Variants in HDAC9 observed in about 807,000 individuals in gnomAD.
The protein encoded by HDAC9 is MEF-2 interacting transcription repressor (MITR) protein.
Under a neutral mutation model 139.4 loss-of-function variants are expected in HDAC9, and 41 were observed. The ratio of observed to expected loss-of-function variants is 0.29; its 90% CI spans 0.23 to 0.38. HDAC9 has a LOEUF of 0.38. Ranked by LOEUF, HDAC9 falls within the 10% of genes least tolerant of loss-of-function variation. The pLI, the probability that HDAC9 is intolerant of heterozygous loss-of-function variation, is 1.00. For missense variants in HDAC9, 1,147 were observed against 1,297.0 expected, an observed-to-expected ratio of 0.88 and a Z score of 1.78; for synonymous variants, 517 against 476.2, an observed-to-expected ratio of 1.09 and a Z score of -1.12.
chr7:18,311,091 AGGTGAT>A (rs1275166744), intron 1 of HDAC9, among the ~76,000 whole-genome samples: 19 of 18,238 alleles, frequency 1.0e-3, no homozygotes, highest in Admixed American at 3.5e-3. Context: ...TTCTGGAGAG[AGGTGAT>A]GATGATGATG....
intron 6 of HDAC9, among the ~76,000 whole-genome samples, chr7:18,597,400 T>G (rs1832795845): frequency 6.6e-6 from 1 of 152,200 alleles, no homozygotes; most frequent in Non-Finnish European, 1.5e-5. Flanking sequence ...TAGGAAAATT[T>G]GGAATATTTT....
At chr7:18,326,860 T>C (rs1800489674) in intron 1 of HDAC9, among the ~76,000 whole-genome samples, 1 of 151,958 alleles carries the variant, frequency 6.6e-6, no homozygotes, top group Admixed American at 6.6e-5. Flanking sequence ...GGAGAACTGA[T>C]GATGGGTAGT....
At chr7:18,858,349 A>G (rs759769888) in intron 21 of HDAC9, among the ~76,000 whole-genome samples, 9 of 152,178 alleles carry the variant, frequency 5.9e-5, no homozygotes, top group Non-Finnish European at 8.8e-5. Context: ...GAAACTTACA[A>G]TCATGGTGGG....
chr7:18,652,767 AAGAAAATTCATACTTTGTT>A (rs1789723489), intron 11 of HDAC9, among the ~76,000 whole-genome samples: 1 of 152,022 alleles, frequency 6.6e-6, no homozygotes, highest in African/African-American at 2.4e-5. Context: ...CAGGAATTTT[AAGAAAATTCATACTTTGTT>A]TAGTAGTTAC....
chr7:18,196,455 G>A (rs1248883014), intron 2 of HDAC9, among the ~76,000 whole-genome samples: 1 of 152,154 alleles, frequency 6.6e-6, no homozygotes, highest in Non-Finnish European at 1.5e-5. Flanking sequence ...AATGTACAGT[G>A]CTTTCAGAGA....
intron 2 of HDAC9, among the ~76,000 whole-genome samples, chr7:18,268,674 C>G (rs993580763): frequency 2.0e-5 from 3 of 152,112 alleles, no homozygotes; most frequent in African/African-American, 7.2e-5. Context: ...ATTCATTACA[C>G]TGATTAAAGG....
chr7:18,444,974 C>G (rs979591951), intron 1 of HDAC9, among the ~76,000 whole-genome samples: 1 of 152,132 alleles, frequency 6.6e-6, no homozygotes, highest in Non-Finnish European at 1.5e-5. Context: ...TGATCTAAGA[C>G]CCAGGGCTGG....
At chr7:18,866,807 T>G (rs893359645) in intron 21 of HDAC9, among the ~76,000 whole-genome samples, 1 of 152,208 alleles carries the variant, frequency 6.6e-6, no homozygotes, top group Non-Finnish European at 1.5e-5. Context: ...TAGCGTCTTA[T>G]GCCGTTCACT....
At chr7:18,670,810 A>T (rs1156387687) in intron 12 of HDAC9, among the ~76,000 whole-genome samples, 2 of 151,130 alleles carry the variant, frequency 1.3e-5, no homozygotes, top group Non-Finnish European at 2.9e-5. Flanking sequence ...AACTGTCTTG[A>T]TCAATAATCT....
intron 24 of HDAC9, among the ~76,000 whole-genome samples, chr7:18,967,722 A>G (rs558222971): frequency 1.3e-5 from 2 of 152,340 alleles, no homozygotes; most frequent in Non-Finnish European, 2.9e-5. Flanking sequence ...ATGACATTTA[A>G]TAACTCTTAA....
chr7:18,737,723 A>G (rs1787057276), intron 13 of HDAC9, among the ~76,000 whole-genome samples: 2 of 152,174 alleles, frequency 1.3e-5, no homozygotes, highest in South Asian at 2.1e-4. Flanking sequence ...TGCTGAGAAG[A>G]ATGTATATTC....
intron 11 of HDAC9, among the ~76,000 whole-genome samples, chr7:18,651,169 G>C (rs1433221756): frequency 2.0e-5 from 3 of 152,110 alleles, no homozygotes; most frequent in Admixed American, 1.3e-4. Context: ...ACATGTTTCT[G>C]TATAATATAT....
At chr7:18,800,717 C>T (rs2129183490) in intron 17 of HDAC9, among the ~76,000 whole-genome samples, 1 of 152,140 alleles carries the variant, frequency 6.6e-6, no homozygotes, top group East Asian at 1.9e-4. Context: ...CCTGTTGTCC[C>T]AGCTACTCAG....
At chr7:18,583,732 C>A (rs957966590) in intron 2 of HDAC9, among the ~76,000 whole-genome samples, 1 of 152,054 alleles carries the variant, frequency 6.6e-6, no homozygotes. Context: ...ACAGCCTGGA[C>A]GAAAAAGTGA....
intron 2 of HDAC9, among the ~76,000 whole-genome samples, chr7:18,282,640 T>C (rs574402136): frequency 2.6e-5 from 4 of 152,266 alleles, no homozygotes; most frequent in Admixed American, 1.3e-4. Flanking sequence ...GAAGAATTTA[T>C]CCCCATGTAT....
At chr7:18,946,156 T>C (rs1363992223) in intron 23 of HDAC9, among the ~76,000 whole-genome samples, 3 of 151,610 alleles carry the variant, frequency 2.0e-5, no homozygotes, top group African/African-American at 7.3e-5. Flanking sequence ...CAGGTTTCTC[T>C]CTTTTTATGT....
At chr7:18,924,699 C>A (rs545684400) in intron 22 of HDAC9, among the ~76,000 whole-genome samples, 1 of 152,206 alleles carries the variant, frequency 6.6e-6, no homozygotes, top group Non-Finnish European at 1.5e-5. Flanking sequence ...GAAGAATATA[C>A]ACATTGAGAT....
At chr7:18,177,817 C>T (rs1472905917) in intron 2 of HDAC9, among the ~76,000 whole-genome samples, 1 of 151,998 alleles carries the variant, frequency 6.6e-6, no homozygotes, top group Non-Finnish European at 1.5e-5. Context: ...GCCCAGCACA[C>T]AAAAGGAGCC....
intron 16 of HDAC9, 108 bp from the exon 17 acceptor site, chr7:18,793,237 C>G: frequency 1.4e-6 from 1 of 739,582 alleles, no homozygotes; most frequent in Non-Finnish European, 2.4e-6. Flanking sequence ...TTTGCTTTCT[C>G]TCTCTGTCCC....
Sources: allele counts gnomAD v4.1 joint callset (sites outside exome capture counted in the v4.1 genomes callset), GRCh38; gene constraint gnomAD v4.1.1; transcripts MANE v1.5; gene names NCBI Gene and HGNC (gene_info 2026-07-23, HGNC 2026-07-21).